TJP1: variants seen among roughly 807,000 people sequenced by gnomAD.
TJP1 encodes tight junction protein ZO-1.
In TJP1, 43 loss-of-function variants were observed where a neutral mutation model predicts 194.2. The ratio of observed to expected loss-of-function variants is 0.22; its 90% CI spans 0.17 to 0.29. TJP1 has a LOEUF of 0.29. TJP1 is among the 10% of genes least tolerant of loss of function. The pLI, the probability that TJP1 is intolerant of heterozygous loss-of-function variation, is 1.00. For missense variants in TJP1, 1,971 were observed against 2,185.7 expected, an observed-to-expected ratio of 0.90 and a Z score of 1.96; for synonymous variants, 801 against 779.0, an observed-to-expected ratio of 1.03 and a Z score of -0.47.
intron 24 of TJP1, among the ~76,000 whole-genome samples, chr15:29,710,543 A>G (rs1170563571): frequency 1.3e-5 from 2 of 152,214 alleles, no homozygotes; most frequent in African/African-American, 2.4e-5. Flanking sequence ...GATAAAACAT[A>G]GTAGGTTTTA....
intron 2 of TJP1, among the ~76,000 whole-genome samples, chr15:29,913,161 T>C (rs999512300): frequency 2.0e-5 from 3 of 151,314 alleles, no homozygotes; most frequent in African/African-American, 7.3e-5. Context: ...AATAGAGCAG[T>C]AGATAGTTCA....
At chr15:29,812,912 T>A (rs1227269689) in intron 1 of TJP1, among the ~76,000 whole-genome samples, 1 of 152,194 alleles carries the variant, frequency 6.6e-6, no homozygotes, top group Non-Finnish European at 1.5e-5. Flanking sequence ...ACTGACTTGA[T>A]TTTTATAGGT....
chr15:29,804,697 T>C (rs954098913), intron 1 of TJP1, among the ~76,000 whole-genome samples: 12 of 152,134 alleles, frequency 7.9e-5, no homozygotes, highest in Non-Finnish European at 1.5e-5. Flanking sequence ...TGCTTGTCAT[T>C]TTCTCATTTC....
intron 2 of TJP1, among the ~76,000 whole-genome samples, chr15:29,933,851 C>T (rs1364439113): frequency 1.4e-4 from 22 of 152,092 alleles, no homozygotes; most frequent in Admixed American, 1.4e-3. Flanking sequence ...GACTTGTCAT[C>T]TGACACAGGA....
Position 29,705,541 on chromosome 15 carries a change from T to C in TJP1, c.5055A>G (p.Leu1685=). 6.2e-7 allele frequency: 1 copy of C among 1,614,210 alleles called. No homozygotes were observed. Among genetic ancestry groups the C allele is most frequent in the Non-Finnish European group, 8.5e-7 (1 of 1,180,020 alleles). The part of the protein sequence containing the change: ...VCRDNSILPP[L]DKEKGETLLS... ...AAACACATTTACCTTTCTCTTTATCTAAAGGTGGAAGGATGCTGTTGTCCC... is the reference window on the plus strand; with the variant it reads ...AAACACATTTACCTTTCTCTTTATCCAAAGGTGGAAGGATGCTGTTGTCCC... The change falls in exon 26 of 28, where the codon TTA becomes TTG. Residue 1685 remains leucine, a synonymous_variant. Transcript: ENST00000614355.
chr15:29,878,485 T>C (rs890104719), intron 2 of TJP1, among the ~76,000 whole-genome samples: 1 of 152,178 alleles, frequency 6.6e-6, no homozygotes, highest in Non-Finnish European at 1.5e-5. Context: ...TATTCTCAAA[T>C]AAATACCTCA....
chr15:29,712,840 A>C (rs1365622098), intron 23 of TJP1, among the ~76,000 whole-genome samples: 1 of 152,042 alleles, frequency 6.6e-6, no homozygotes, highest in Non-Finnish European at 1.5e-5. Flanking sequence ...TGGGCAAAGA[A>C]ATTCTGCAAG....
intron 1 of TJP1, among the ~76,000 whole-genome samples, chr15:29,818,874 T>A (rs1478535505): frequency 6.6e-6 from 1 of 151,788 alleles, no homozygotes; most frequent in South Asian, 2.1e-4. Context: ...TGTAGTGCAG[T>A]GGCCCCGATC....
rs1305753628 is a variant in TJP1 at position 29,728,226 on chromosome 15, G to A, written c.2018-207C>T. 2.8e-5 allele frequency: 12 copies of A among 430,516 alleles called. No homozygotes were observed. In the East Asian group the frequency reaches 2.9e-4, roughly 10 times the overall value. The allele number at this position is 430,516 out of a possible 1,614,324, so 26.7% of individuals were successfully genotyped here. On this transcript the variant is annotated intron_variant, in intron 15 of 27. Transcript: ENST00000614355. ...ATTTTTTCAACTACTTTAATATTCT[G>A]GAAAAAAACTTAGCCATTAAAGAAG...
At chr15:29,958,291 GTTTT>G (rs34187703) in intron 1 of TJP1, among the ~76,000 whole-genome samples, 1 of 141,094 alleles carries the variant, frequency 7.1e-6, no homozygotes, top group African/African-American at 2.6e-5. Flanking sequence ...TCTCTTTTTA[GTTTT>G]TTTTTTTTTT....
At chr15:29,880,073 C>A (rs2052869278) in intron 2 of TJP1, among the ~76,000 whole-genome samples, 1 of 152,152 alleles carries the variant, frequency 6.6e-6, no homozygotes, top group South Asian at 2.1e-4. Flanking sequence ...AGAGCTTTTA[C>A]TATATAATAT....
chr15:29,790,751 C>CA (rs1252927058), intron 2 of TJP1, among the ~76,000 whole-genome samples: 1 of 130,798 alleles, frequency 7.6e-6, no homozygotes, highest in Non-Finnish European at 1.7e-5. Flanking sequence ...GTTCATTTTT[C>CA]TTTTTTTTTT....
intron 2 of TJP1, among the ~76,000 whole-genome samples, chr15:29,787,517 C>G (rs532300257): frequency 6.6e-6 from 1 of 152,120 alleles, no homozygotes; most frequent in Non-Finnish European, 1.5e-5. Flanking sequence ...GCCATCATCT[C>G]TCAATCCCCT....
chr15:29,793,324 C>T (rs1455566087), intron 2 of TJP1, among the ~76,000 whole-genome samples: 1 of 152,154 alleles, frequency 6.6e-6, no homozygotes, highest in Non-Finnish European at 1.5e-5. Flanking sequence ...CTGAATTTTA[C>T]TGAATACTTT....
At chr15:29,959,349 T>G (rs1354849455) in intron 1 of TJP1, among the ~76,000 whole-genome samples, 2 of 152,110 alleles carry the variant, frequency 1.3e-5, no homozygotes, top group African/African-American at 2.4e-5. Context: ...AAAATAACCT[T>G]TTTTTCTTCT....
At chr15:29,950,885 C>G (rs1008632391) in intron 2 of TJP1, among the ~76,000 whole-genome samples, 2 of 152,136 alleles carry the variant, frequency 1.3e-5, no homozygotes, top group African/African-American at 4.8e-5. Flanking sequence ...TCTGTAACCC[C>G]ATATCCTTAT....
intron 19 of TJP1, 123 bp from the exon 20 acceptor site, chr15:29,720,139 T>TGTCCTA: frequency 7.4e-7 from 1 of 1,345,880 alleles, no homozygotes; most frequent in Non-Finnish European, 9.9e-7. Context: ...TATGACCTCA[T>TGTCCTA]GTCCTAAACT....
chr15:29,777,494 A>G (rs550052393), intron 2 of TJP1, among the ~76,000 whole-genome samples: 1 of 152,334 alleles, frequency 6.6e-6, no homozygotes, highest in African/African-American at 2.4e-5. Flanking sequence ...AAATAAATAA[A>G]TAAATAAAAC....
intron 2 of TJP1, among the ~76,000 whole-genome samples, chr15:29,844,231 G>A (rs1355074657): frequency 5.3e-5 from 8 of 152,026 alleles, no homozygotes; most frequent in Non-Finnish European, 8.8e-5. Context: ...TCACCACGCC[G>A]GCGGATTTTT....
Sources: allele counts gnomAD v4.1 joint callset (sites outside exome capture counted in the v4.1 genomes callset), GRCh38; gene constraint gnomAD v4.1.1; transcripts MANE v1.5; gene names NCBI Gene and HGNC (gene_info 2026-07-23, HGNC 2026-07-21).